Variants in NPHP3 observed in about 807,000 individuals in gnomAD.
NPHP3 encodes the protein nephrocystin-3.
A neutral mutation model predicts 171.9 loss-of-function variants in NPHP3; 123 were observed. That is an observed-to-expected ratio of 0.72 (90% confidence interval 0.62 to 0.83). The LOEUF (loss-of-function observed/expected upper bound fraction) is 0.83. Among genes scored for constraint, NPHP3 ranks in the 40% least tolerant of loss-of-function variants. The pLI is 0.00. For synonymous variants in NPHP3, 558 were observed against 579.2 expected (o/e 0.96, Z 0.52); for missense variants, 1,506 against 1,591.9 (o/e 0.95, Z 0.92).
chr3:132,717,656 A>G (rs1428686756), intron 3 of NPHP3, among the ~76,000 whole-genome samples: 2 of 152,076 alleles, frequency 1.3e-5, no homozygotes, highest in East Asian at 3.9e-4. Flanking sequence ...GTTTTGAAAC[A>G]CTGTACATTT....
intron 13 of NPHP3, among the ~76,000 whole-genome samples, chr3:132,698,126 C>T (rs949759395): frequency 6.6e-6 from 1 of 152,054 alleles, no homozygotes; most frequent in Non-Finnish European, 1.5e-5. Flanking sequence ...GGATTACAGG[C>T]GCCCACCACC....
At chr3:132,691,368 T>C in intron 17 of NPHP3, 82 bp from the exon 18 acceptor site, 1 of 935,806 alleles carries the variant, frequency 1.1e-6, no homozygotes, top group Non-Finnish European at 1.8e-6. Flanking sequence ...AAAAAGAATT[T>C]ATAATTATTC....
rs1357726453 is a variant in NPHP3 at position 132,681,049 on chromosome 3, A to G, written c.*861T>C. 1 of 152,218 alleles carries G rather than the reference A, an allele frequency of 6.6e-6. No homozygotes were observed. Among genetic ancestry groups the G allele is most frequent in the Non-Finnish European group, 1.5e-5 (1 of 68,040 alleles). The allele number at this position is 152,218 out of a possible 1,614,324, so 9.4% of individuals were successfully genotyped here. A position where few individuals can be genotyped will look rare whatever the true frequency, so the allele number is the denominator to read the frequency against. The stretch of plus-strand genomic sequence containing the variant: ...GGGACTGGACCAATCTGCTCAAGGA[A>G]AAGGTAAAGAATTTTTTAAAGTGCA... On this transcript the variant is annotated 3_prime_UTR_variant, in exon 27 of 27. Transcript: ENST00000337331.
intron 3 of NPHP3, 75 bp downstream of exon 3, chr3:132,718,919 C>G (rs1940128555): frequency 7.0e-7 from 1 of 1,432,324 alleles, no homozygotes; most frequent in Non-Finnish European, 9.8e-7. Context: ...AGAAATCTAG[C>G]AGAATTCAAA....
chr3:132,694,507 T>C (rs1378535393), intron 16 of NPHP3, among the ~76,000 whole-genome samples: 1 of 152,010 alleles, frequency 6.6e-6, no homozygotes, highest in Non-Finnish European at 1.5e-5. Flanking sequence ...AATTTTCTAA[T>C]AAAGGATTTG....
Position 132,696,735 on chromosome 3 carries a change from C to G in NPHP3, c.2167G>C (p.Ala723Pro). The change falls in exon 15 of 27, where the codon GCG (alanine) becomes CCG (proline). Residue 723 changes from alanine to proline, a missense_variant. Physicochemically the swap from Ala to Pro is conservative, Grantham distance 27. Transcript: ENST00000337331. ...TGTAAAATAATCACCACTCACCGCGCGATCATTTTGCCGAAAAGGGTGACA... is the reference window on the plus strand; with the variant it reads ...TGTAAAATAATCACCACTCACCGCGGGATCATTTTGCCGAAAAGGGTGACA... ...LYVTLFGKMIARAGRAGNLDK... is the reference protein window; with the variant it reads ...LYVTLFGKMIPRAGRAGNLDK... 1 of 1,613,670 alleles carries G rather than the reference C, an allele frequency of 6.2e-7. No individual in the cohort carries two copies. Among genetic ancestry groups the G allele is most frequent in the South Asian group, 1.1e-5 (1 of 91,066 alleles).
rs1939690245 is a variant in NPHP3 at position 132,704,278 on chromosome 3, A to G, written c.1444T>C (p.Trp482Arg). 6.2e-7 allele frequency: 1 copy of G among 1,614,160 alleles called. No homozygotes were observed. The highest frequency in any genetic ancestry group is 8.5e-7 in the Non-Finnish European group (1 of 1,179,996). The change falls in exon 9 of 27, where the codon TGG becomes CGG. Residue 482 changes from tryptophan to arginine, a missense_variant. Physicochemically the swap from Trp to Arg is moderately radical, Grantham distance 101 (BLOSUM62 -3). Coordinates refer to ENST00000337331, the MANE Select transcript of NPHP3 (RefSeq NM_153240.5). The stretch of plus-strand genomic sequence containing the variant: ...TGCTCTTGTTCATCATGTATGTCCC[A>G]CAGAACATCACCAAAATCATCTTCT... ...PEEDDFGDVL[W>R]DIHDEQEQME...
intron 8 of NPHP3, among the ~76,000 whole-genome samples, chr3:132,704,845 A>G (rs1939705413): frequency 6.6e-6 from 1 of 152,214 alleles, no homozygotes; most frequent in Non-Finnish European, 1.5e-5. Context: ...AAGTACATTC[A>G]CTTTCACTTG....
chr3:132,690,485 A>C (rs767995058), intron 19 of NPHP3, 43 bp downstream of exon 19: 1 of 1,585,634 alleles, frequency 6.3e-7, no homozygotes, highest in Non-Finnish European at 8.7e-7. Context: ...GAACAACTTT[A>C]AATCTCTCTT....
intron 10 of NPHP3, among the ~76,000 whole-genome samples, chr3:132,701,044 C>T (rs895019634): frequency 2.6e-5 from 4 of 151,946 alleles, no homozygotes; most frequent in Non-Finnish European, 5.9e-5. Flanking sequence ...ATGCTTTTGT[C>T]GTTTCAAATA....
chr3:132,697,422 C>T (rs1939484729), intron 13 of NPHP3, 60 bp from the exon 14 acceptor site: 2 of 1,103,800 alleles, frequency 1.8e-6, no homozygotes, highest in Admixed American at 1.7e-5. Flanking sequence ...TGTAATTACC[C>T]ATAACACAAT....
intron 1 of NPHP3, among the ~76,000 whole-genome samples, chr3:132,720,499 G>A (rs1940178433): frequency 6.6e-6 from 1 of 152,082 alleles, no homozygotes. Flanking sequence ...TGGATACATT[G>A]AATCAGATAT....
chr3:132,701,570 C>A, intron 9 of NPHP3, 37 bp from the exon 10 acceptor site: 1 of 1,330,478 alleles, frequency 7.5e-7, no homozygotes, highest in Non-Finnish European at 1.1e-6. Context: ...TAAGGAAGCA[C>A]ATGCCTCTGA....
chr3:132,712,509 G>A (rs1269831452), intron 6 of NPHP3: 1 of 455,870 alleles, frequency 2.2e-6, no homozygotes, highest in Non-Finnish European at 4.4e-6. Flanking sequence ...GCCTACGCCT[G>A]TAATCCCAGC....
In NPHP3 at chr3:132,692,735, G is replaced by C. The variant is rs534190640; in HGVS notation, c.2394C>G (p.Phe798Leu). 3.1e-6 allele frequency: 5 copies of C among 1,614,014 alleles called. No homozygotes were observed. The African/African-American group carries it at 5.3e-5, about 17-fold the overall frequency. The change falls in exon 17 of 27, where the codon TTC becomes TTG. Residue 798 changes from phenylalanine (F) to leucine (L), a missense_variant. Physicochemically the swap from Phe to Leu is conservative, Grantham distance 22 (BLOSUM62 0). Around this residue, in one of 3 missense-constraint regions of NPHP3, gnomAD observed 569 missense variants for 648.1 expected, o/e 0.88. Coordinates refer to ENST00000337331, the MANE Select transcript of NPHP3 (RefSeq NM_153240.5). ...ATAAACTGTGAATAAGGGAGGTCAA[G>C]AAAGTCCAGGACATCTCAGGATAGA... The part of the protein sequence containing the change: ...MELYPEMSWT[F>L]LTSLIHSLYK...
At chr3:132,714,913 A>T (rs1940009235) in intron 5 of NPHP3, among the ~76,000 whole-genome samples, 172 bp downstream of exon 5, 1 of 152,258 alleles carries the variant, frequency 6.6e-6, no homozygotes, top group Non-Finnish European at 1.5e-5. Context: ...CTTTCTTTAC[A>T]TATAATATTG....
intron 17 of NPHP3, 42 bp from the exon 18 acceptor site, chr3:132,691,328 A>G (rs368873991): frequency 7.4e-7 from 1 of 1,344,496 alleles, no homozygotes; most frequent in South Asian, 1.2e-5. Flanking sequence ...ATTTCACGTA[A>G]GTCACTGTAC....
intron 18 of NPHP3, 64 bp from the exon 19 acceptor site, chr3:132,690,714 C>T: frequency 1.3e-6 from 2 of 1,535,850 alleles, no homozygotes; most frequent in Non-Finnish European, 1.8e-6. Context: ...AAAAAGGCTT[C>T]AGGCAAATGT....
chr3:132,701,368 T>C, intron 10 of NPHP3, 62 bp downstream of exon 10: 1 of 1,167,376 alleles, frequency 8.6e-7, no homozygotes, highest in Non-Finnish European at 1.3e-6. Flanking sequence ...GCAATACATT[T>C]TGTTGAATAG....
Sources: gnomAD v4.1 joint callset for allele counts (sites outside exome capture counted in the v4.1 genomes callset) on GRCh38, gnomAD v4.1.1 for gene constraint, gnomAD v4.1.1 regional missense constraint, MANE v1.5 for transcripts, NCBI Gene and HGNC (gene_info 2026-07-23, HGNC 2026-07-21) for gene names.